Variants in RBFOX1 observed in about 807,000 individuals in gnomAD.
RBFOX1 encodes the protein RNA binding fox-1 homolog 1, also known as RNA binding protein fox-1 homolog 1.
RBFOX1 carries 8 observed loss-of-function variants against 57.7 expected under a neutral mutation model. The observed-to-expected ratio is 0.14, with a 90% CI of 0.08 to 0.25. The LOEUF (loss-of-function observed/expected upper bound fraction) is 0.25. Ranked by LOEUF, RBFOX1 falls within the 10% of genes least tolerant of loss-of-function variation. The pLI, the probability that RBFOX1 is intolerant of heterozygous loss-of-function variation, is 1.00. For missense variants in RBFOX1, 611 were observed against 548.5 expected (o/e 1.11, Z -1.14); for synonymous variants, 326 against 222.4 (o/e 1.47, Z -4.15).
intron 4 of RBFOX1, among the ~76,000 whole-genome samples, chr16:6,009,740 C>A (rs1035142582): frequency 1.3e-5 from 2 of 151,820 alleles, no homozygotes; most frequent in African/African-American, 2.4e-5. Flanking sequence ...TGTTGTTGGA[C>A]AAAATGCACT....
chr16:6,782,161 C>A (rs2081134392), intron 3 of RBFOX1, among the ~76,000 whole-genome samples: 1 of 152,144 alleles, frequency 6.6e-6, no homozygotes, highest in South Asian at 2.1e-4. Flanking sequence ...CATGCACCAC[C>A]ACACCCAGCT....
chr16:5,899,770 CT>C (rs1327477829), intron 4 of RBFOX1, among the ~76,000 whole-genome samples: 17 of 152,178 alleles, frequency 1.1e-4, no homozygotes, highest in African/African-American at 4.1e-4. Flanking sequence ...ATGCTGAAAG[CT>C]ATGGCGACAG....
At chr16:5,770,023 C>G (rs1391387546) in intron 3 of RBFOX1, among the ~76,000 whole-genome samples, 2 of 152,152 alleles carry the variant, frequency 1.3e-5, no homozygotes, top group African/African-American at 2.4e-5. Context: ...CAGATAGAAG[C>G]TAAACTATAG....
intron 1 of RBFOX1, among the ~76,000 whole-genome samples, chr16:6,207,650 T>A (rs1264197856): frequency 6.6e-6 from 1 of 152,166 alleles, no homozygotes; most frequent in Admixed American, 6.5e-5. Context: ...TCCCATTTGA[T>A]GTGCAGATTG....
chr16:6,618,720 C>A (rs1353186718), intron 2 of RBFOX1, among the ~76,000 whole-genome samples: 2 of 152,124 alleles, frequency 1.3e-5, no homozygotes, highest in East Asian at 1.9e-4. Context: ...ATTTCAAAAG[C>A]CCTCACCACA....
At chr16:7,675,999 C>T (rs2073161545) in intron 13 of RBFOX1, among the ~76,000 whole-genome samples, 1 of 152,150 alleles carries the variant, frequency 6.6e-6, no homozygotes, top group African/African-American at 2.4e-5. Flanking sequence ...ATTTGCTCGT[C>T]CTCTTTGCTT....
At chr16:6,061,962 C>T (rs906846238) in intron 1 of RBFOX1, among the ~76,000 whole-genome samples, 4 of 152,182 alleles carry the variant, frequency 2.6e-5, no homozygotes, top group Admixed American at 2.0e-4. Flanking sequence ...ACCTGTGCTT[C>T]TGAAGGACTG....
chr16:7,291,532 A>T (rs185843479), intron 4 of RBFOX1, among the ~76,000 whole-genome samples: 85 of 152,328 alleles, frequency 5.6e-4, no homozygotes, highest in African/African-American at 1.9e-3. Flanking sequence ...GCAAAGGAAG[A>T]TGTGAAGGGC....
At chr16:7,037,595 T>G (rs1433903609) in intron 3 of RBFOX1, among the ~76,000 whole-genome samples, 1 of 152,198 alleles carries the variant, frequency 6.6e-6, no homozygotes, top group Non-Finnish European at 1.5e-5. Context: ...GTTTACTTTC[T>G]TGTAGTGAAA....
At chr16:7,128,783 C>G (rs2069336120) in intron 4 of RBFOX1, among the ~76,000 whole-genome samples, 1 of 149,492 alleles carries the variant, frequency 6.7e-6, no homozygotes, top group South Asian at 2.1e-4. Flanking sequence ...TTTTGGTAAT[C>G]TGTCTGACAT....
chr16:5,782,702 G>A (rs907968243), intron 3 of RBFOX1, among the ~76,000 whole-genome samples: 2 of 152,130 alleles, frequency 1.3e-5, no homozygotes, highest in Non-Finnish European at 1.5e-5. Flanking sequence ...TGAAGAATTG[G>A]CTTACATAAT....
intron 4 of RBFOX1, among the ~76,000 whole-genome samples, chr16:7,254,420 C>G (rs2094597394): frequency 6.6e-6 from 1 of 152,098 alleles, no homozygotes; most frequent in Admixed American, 6.6e-5. Flanking sequence ...ATCTCCATTG[C>G]CAAGATATCA....
chr16:6,182,822 T>G (rs1446351771), intron 1 of RBFOX1, among the ~76,000 whole-genome samples: 5 of 152,218 alleles, frequency 3.3e-5, no homozygotes, highest in African/African-American at 1.2e-4. Context: ...TTTACATAAT[T>G]CTTTTTTAAT....
At chr16:6,114,729 G>C (rs1462666957) in intron 1 of RBFOX1, among the ~76,000 whole-genome samples, 1 of 152,184 alleles carries the variant, frequency 6.6e-6, no homozygotes, top group Non-Finnish European at 1.5e-5. Context: ...CTAATGGCTA[G>C]TGATGCAGGA....
rs565459342 is a variant in RBFOX1, at chr16:6,632,681, C to A, written c.-63-21922C>A. On this transcript the variant is annotated intron_variant, in intron 2 of 15. Transcript: ENST00000550418. Reference sequence around the variant, plus strand: ...GGGCCTGACTGATATCCGGCGAAGGCCTTCTTTGGCTGAAGTGCTTGCCAG... The same window carrying A: ...GGGCCTGACTGATATCCGGCGAAGGACTTCTTTGGCTGAAGTGCTTGCCAG... Among the ~76,000 whole-genome samples, 4 of 152,312 alleles carry A rather than the reference C, an allele frequency of 2.6e-5. No individual in the cohort carries two copies. The South Asian group carries it at 8.3e-4, about 32-fold the overall frequency.
At chr16:6,471,901 A>G (rs935001227) in intron 2 of RBFOX1, among the ~76,000 whole-genome samples, 1 of 152,168 alleles carries the variant, frequency 6.6e-6, no homozygotes, top group Non-Finnish European at 1.5e-5. Flanking sequence ...GAAGGGAAAT[A>G]GAATGAAGGA....
At chr16:6,646,802 A>G (rs1384543515) in intron 2 of RBFOX1, among the ~76,000 whole-genome samples, 1 of 152,100 alleles carries the variant, frequency 6.6e-6, no homozygotes, top group Non-Finnish European at 1.5e-5. Flanking sequence ...GACAAATTCA[A>G]GGAGAGTTTT....
chr16:7,691,154 ATACT>A (rs2077227549), intron 14 of RBFOX1, among the ~76,000 whole-genome samples: 1 of 152,102 alleles, frequency 6.6e-6, no homozygotes, highest in Non-Finnish European at 1.5e-5. Flanking sequence ...CGTCAAAAAA[ATACT>A]TAACTGGTAG....
intron 4 of RBFOX1, among the ~76,000 whole-genome samples, chr16:7,292,769 C>T (rs531595430): frequency 6.6e-6 from 1 of 151,966 alleles, no homozygotes; most frequent in African/African-American, 2.4e-5. Context: ...ATTATTTTAT[C>T]TGATACGAGG....
Sources: gnomAD v4.1 joint callset for allele counts (sites outside exome capture counted in the v4.1 genomes callset) on GRCh38, gnomAD v4.1.1 for gene constraint, MANE v1.5 for transcripts, NCBI Gene and HGNC (gene_info 2026-07-23, HGNC 2026-07-21) for gene names.